Variants in TCF7L1 observed in about 807,000 individuals in gnomAD.
TCF7L1 encodes transcription factor 7 like 1, also known as transcription factor 7-like 1.
A neutral mutation model predicts 63.7 loss-of-function variants in TCF7L1; 18 were observed. The observed-to-expected ratio is 0.28, with a 90% CI of 0.20 to 0.42. The LOEUF is 0.42. TCF7L1 is among the 10% of genes least tolerant of loss of function. The pLI is 1.00. For synonymous variants in TCF7L1, 355 were observed against 340.9 expected (o/e 1.04, Z -0.46); for missense variants, 654 against 779.3 (o/e 0.84, Z 1.91).
chr2:85,169,987 A>G (rs990814657), intron 3 of TCF7L1, among the ~76,000 whole-genome samples: 1 of 152,256 alleles, frequency 6.6e-6, no homozygotes, highest in African/African-American at 2.4e-5. Flanking sequence ...AGAGCCAACA[A>G]TACTTTCTTG....
chr2:85,204,647 T>A (rs895706704), intron 3 of TCF7L1, among the ~76,000 whole-genome samples: 5 of 152,080 alleles, frequency 3.3e-5, no homozygotes, highest in Admixed American at 2.6e-4. Flanking sequence ...TACCAAGTAG[T>A]TGGAACTGTA....
chr2:85,175,268 T>G (rs1277723837), intron 3 of TCF7L1, among the ~76,000 whole-genome samples: 1 of 152,194 alleles, frequency 6.6e-6, no homozygotes, highest in South Asian at 2.1e-4. Flanking sequence ...TACCACCCCC[T>G]GCCCCCACAA....
intron 3 of TCF7L1, among the ~76,000 whole-genome samples, chr2:85,136,786 A>G (rs930531075): frequency 5.9e-5 from 9 of 152,184 alleles, no homozygotes; most frequent in Non-Finnish European, 8.8e-5. Context: ...GCTGCCAGTA[A>G]GTAAAGCAAG....
rs371418642 is a variant in TCF7L1 at position 85,256,213 on chromosome 2, C to G, written c.442-27282C>G. Among the ~76,000 whole-genome samples the G allele has an allele frequency of 1.3e-3, 195 of 152,308 alleles. 1 individual carries two copies. The highest frequency in any genetic ancestry group is 4.1e-3 in the South Asian group (20 of 4,828). ...CTTTGGGGCCGGTTGGCGTCCCCCC[C>G]GCCCCAACCCAGTACATCGATGGTG... On this transcript the variant is annotated intron_variant, in intron 3 of 11. Coordinates refer to ENST00000282111, the MANE Select transcript of TCF7L1 (RefSeq NM_031283.3).
chr2:85,289,682 T>C (rs1378819898), intron 4 of TCF7L1, among the ~76,000 whole-genome samples: 3 of 152,188 alleles, frequency 2.0e-5, no homozygotes, highest in Non-Finnish European at 2.9e-5. Flanking sequence ...TTTCCAGTTG[T>C]TTGTTTGTTT....
intron 4 of TCF7L1, among the ~76,000 whole-genome samples, chr2:85,287,500 A>G (rs1221602152): frequency 6.6e-6 from 1 of 152,230 alleles, no homozygotes; most frequent in Non-Finnish European, 1.5e-5. Context: ...TCTGCAAATA[A>G]TAACTCAGCA....
intron 3 of TCF7L1, among the ~76,000 whole-genome samples, chr2:85,245,676 A>G (rs563397337): frequency 5.3e-4 from 81 of 152,116 alleles, no homozygotes; most frequent in Non-Finnish European, 9.1e-4. Flanking sequence ...TGAGCTGGGC[A>G]TGGTGGTGGG....
chr2:85,181,730 G>T (rs1417826483), intron 3 of TCF7L1, among the ~76,000 whole-genome samples: 2 of 152,188 alleles, frequency 1.3e-5, no homozygotes, highest in African/African-American at 4.8e-5. Context: ...TGAGACCATT[G>T]GTTCCTTTGC....
intron 3 of TCF7L1, among the ~76,000 whole-genome samples, chr2:85,198,476 T>A (rs1377508297): frequency 1.3e-5 from 2 of 152,166 alleles, no homozygotes; most frequent in African/African-American, 4.8e-5. Flanking sequence ...CTGAGCATTT[T>A]CCACAGGCAG....
chr2:85,212,757 C>A (rs1026482388), intron 3 of TCF7L1, among the ~76,000 whole-genome samples: 42 of 151,922 alleles, frequency 2.8e-4, no homozygotes, highest in African/African-American at 9.4e-4. Context: ...TATCTTGGAC[C>A]CCTGAGGAAG....
intron 3 of TCF7L1, among the ~76,000 whole-genome samples, chr2:85,207,331 A>C (rs1679430723): frequency 6.6e-6 from 1 of 152,106 alleles, no homozygotes; most frequent in South Asian, 2.1e-4. Context: ...AGTCACAACC[A>C]CCAAGCTCCG....
intron 3 of TCF7L1, among the ~76,000 whole-genome samples, chr2:85,278,986 G>T (rs1447489915): frequency 6.6e-6 from 1 of 152,194 alleles, no homozygotes; most frequent in Non-Finnish European, 1.5e-5. Context: ...ATTCCGGTGG[G>T]CATCCCCCAG....
At chr2:85,274,455 G>A (rs148146986) in intron 3 of TCF7L1, among the ~76,000 whole-genome samples, 11 of 152,196 alleles carry the variant, frequency 7.2e-5, no homozygotes, top group East Asian at 3.9e-4. Context: ...CCAAGTGTCC[G>A]GCTCTCCATC....
At chr2:85,219,674 G>A (rs1679800725) in intron 3 of TCF7L1, among the ~76,000 whole-genome samples, 1 of 152,124 alleles carries the variant, frequency 6.6e-6, no homozygotes, top group Non-Finnish European at 1.5e-5. Flanking sequence ...GAACCCAGGA[G>A]TTTAAGACCA....
chr2:85,231,045 CATT>C (rs1680064035), intron 3 of TCF7L1, among the ~76,000 whole-genome samples: 1 of 152,096 alleles, frequency 6.6e-6, no homozygotes, highest in African/African-American at 2.4e-5. Flanking sequence ...TTCCCAGAAA[CATT>C]ATAGGGTACT....
intron 3 of TCF7L1, among the ~76,000 whole-genome samples, chr2:85,259,296 A>G (rs1027542152): frequency 6.6e-6 from 1 of 152,226 alleles, no homozygotes; most frequent in African/African-American, 2.4e-5. Flanking sequence ...TTCAGATCCT[A>G]AAGAAGATCA....
Position 85,306,619 on chromosome 2 carries a change from G to T in TCF7L1, c.1257+60G>T. Reference sequence around the variant, plus strand: ...CCCAGGAACAGCCTCTGCAAGAGGAGGAAGGGTGAAGGAAAGCAACTGCAT... The same window carrying T: ...CCCAGGAACAGCCTCTGCAAGAGGATGAAGGGTGAAGGAAAGCAACTGCAT... On this transcript the variant is annotated intron_variant, in intron 10 of 11. Transcript: ENST00000282111. The surrounding 1 kb of genome is among the most constrained non-coding windows in gnomAD (Gnocchi z 4.3). 7.2e-7 allele frequency: 1 copy of T among 1,380,350 alleles called. No homozygotes were observed. The highest frequency in any genetic ancestry group is 1.0e-6 in the Non-Finnish European group (1 of 984,346). The allele number at this position is 1,380,350 out of a possible 1,614,324, so 85.5% of individuals were successfully genotyped here. A position where few individuals can be genotyped will look rare whatever the true frequency, so the allele number is the denominator to read the frequency against.
At chr2:85,228,212 G>A (rs1266538006) in intron 3 of TCF7L1, among the ~76,000 whole-genome samples, 1 of 151,988 alleles carries the variant, frequency 6.6e-6, no homozygotes, top group South Asian at 2.1e-4. Context: ...TTGAGCCCAC[G>A]GGTTCAAGAT....
intron 3 of TCF7L1, among the ~76,000 whole-genome samples, chr2:85,151,032 A>G (rs113160517): frequency 3.4e-4 from 52 of 152,354 alleles, no homozygotes; most frequent in African/African-American, 1.2e-3. Flanking sequence ...ATAAGGTGAA[A>G]GTATGAGATA....
Sources: allele counts gnomAD v4.1 joint callset (sites outside exome capture counted in the v4.1 genomes callset), GRCh38; gene constraint gnomAD v4.1.1; non-coding constraint Gnocchi (gnomAD v3.1); transcripts MANE v1.5; gene names NCBI Gene and HGNC (gene_info 2026-07-23, HGNC 2026-07-21).